Variants in NFATC1 observed in about 807,000 individuals in gnomAD.
NFATC1 encodes nuclear factor of activated T cells 1.
NFATC1 carries 22 observed loss-of-function variants against 76.0 expected under a neutral mutation model. The observed-to-expected ratio is 0.29, with a 90% CI of 0.21 to 0.41. The LOEUF is 0.41. Among genes scored for constraint, NFATC1 ranks in the 10% least tolerant of loss-of-function variants. The probability of loss-of-function intolerance (pLI) is 1.00; values close to 1 mark genes in which losing one functional copy is unlikely to be tolerated. For missense variants in NFATC1, 1,357 were observed against 1,337.7 expected, an observed-to-expected ratio of 1.01 and a Z score of -0.23; for synonymous variants, 704 against 613.1, an observed-to-expected ratio of 1.15 and a Z score of -2.19.
intron 9 of NFATC1, among the ~76,000 whole-genome samples, chr18:79,487,438 C>T (rs553074151): frequency 5.3e-4 from 81 of 152,332 alleles, no homozygotes; most frequent in African/African-American, 1.8e-3. Flanking sequence ...GGCGGCCTTG[C>T]CAGGAGCTCG....
chr18:79,443,857 G>A (rs952355826), intron 3 of NFATC1, among the ~76,000 whole-genome samples: 6 of 152,236 alleles, frequency 3.9e-5, no homozygotes, highest in African/African-American at 1.4e-4. Context: ...TCTGGGAAGG[G>A]CTGTGCCACA....
intron 9 of NFATC1, among the ~76,000 whole-genome samples, chr18:79,510,861 C>T (rs424037): frequency 3.1e-4 from 7 of 22,858 alleles, no homozygotes; most frequent in Admixed American, 8.9e-4. Flanking sequence ...CCGGGGCATC[C>T]TCTGCCGGGG....
rs541088550 is a variant in NFATC1 at position 79,524,931 on chromosome 18, G to A, written c.2783-2597G>A. ...TGCAGGCGGCCTGTCCCACGAACAC[G>A]ATGGAGACCTCAGACGCCGTCCCCA... On this transcript the variant is annotated intron_variant, in intron 9 of 9. Transcript: ENST00000427363. The surrounding 1 kb of genome is among the most constrained non-coding windows in gnomAD (Gnocchi z 7.2). 2.7e-3 allele frequency among the ~76,000 whole-genome samples: 416 copies of A among 152,042 alleles called. 1 individual carries two copies. Among genetic ancestry groups the A allele is most frequent in the African/African-American group, 9.4e-3 (388 of 41,442 alleles).
chr18:79,459,991 G>C (rs959737740), intron 6 of NFATC1, among the ~76,000 whole-genome samples: 1 of 152,234 alleles, frequency 6.6e-6, no homozygotes, highest in African/African-American at 2.4e-5. Flanking sequence ...ATGGCTTCAA[G>C]CGCAACTGAG....
rs188945483 is a variant in NFATC1, at chr18:79,480,660, G to C, written c.2093-5588G>C. On this transcript the variant is annotated intron_variant, in intron 8 of 9. Coordinates refer to ENST00000427363, the MANE Select transcript of NFATC1 (RefSeq NM_001278669.2). ...TGAGCCGTGTTCTTGACGTTCTCCA[G>C]CCAGCAGCAGCAGACGCCACCCGGT... Among the ~76,000 whole-genome samples, 41 of 152,298 alleles carry C rather than the reference G, an allele frequency of 2.7e-4. 1 individual carries two copies. In the Middle Eastern group the frequency reaches 0.01, roughly 38 times the overall value.
chr18:79,416,431 C>T (rs1460373919), intron 2 of NFATC1, among the ~76,000 whole-genome samples: 6 of 152,134 alleles, frequency 3.9e-5, no homozygotes, highest in Admixed American at 6.5e-5. Context: ...TTTGACAGCT[C>T]CCAGGTCCTG....
At chr18:79,440,131 G>A (rs1048074511) in intron 3 of NFATC1, among the ~76,000 whole-genome samples, 27 of 152,274 alleles carry the variant, frequency 1.8e-4, no homozygotes, top group Non-Finnish European at 3.2e-4. Context: ...CAGGAAATAC[G>A]AGGCGCATGA....
intron 9 of NFATC1, among the ~76,000 whole-genome samples, chr18:79,494,876 G>A (rs1362530273): frequency 7.2e-6 from 1 of 138,966 alleles, no homozygotes; most frequent in African/African-American, 2.7e-5. Context: ...GGCGAGAGCG[G>A]GCACACGCCC....
chr18:79,486,751 C>G lies in NFATC1; in HGVS notation c.2596C>G (p.Pro866Ala). 1.2e-6 allele frequency: 2 copies of G among 1,603,208 alleles called. No homozygotes were observed. The highest frequency in any genetic ancestry group is 1.7e-4 in the Middle Eastern group (1 of 6,036). ...QEPTCLQPCS[P>A]ACPPATGRPQ... is the part of the protein sequence containing the mutation. ...GCCGACCTGCCTGCAGCCCTGCAGC[C>G]CAGCGTGCCCGCCCGCCACGGGCCG... The change falls in exon 9 of 10, where the codon CCA (proline) becomes GCA (alanine). Residue 866 changes from proline (P) to alanine (A), a missense_variant. Physicochemically the swap from Pro to Ala is conservative, Grantham distance 27 (BLOSUM62 -1). Coordinates refer to ENST00000427363, the MANE Select transcript of NFATC1 (RefSeq NM_001278669.2).
intron 6 of NFATC1, 43 bp downstream of exon 6, chr18:79,451,859 G>C (rs373595199): frequency 6.4e-7 from 1 of 1,571,484 alleles, no homozygotes; most frequent in South Asian, 1.2e-5. Context: ...GGGCTTCGGC[G>C]CTGGTGGGAA....
intron 1 of NFATC1, among the ~76,000 whole-genome samples, chr18:79,401,547 G>A (rs922367047): frequency 6.6e-6 from 1 of 152,210 alleles, no homozygotes; most frequent in East Asian, 1.9e-4. Context: ...CTTCCCACCC[G>A]GGCTGCCTGT....
At chr18:79,406,274 A>C (rs2085434785) in intron 1 of NFATC1, among the ~76,000 whole-genome samples, 1 of 152,232 alleles carries the variant, frequency 6.6e-6, no homozygotes, top group South Asian at 2.1e-4. Flanking sequence ...GGGAAACAGG[A>C]AGTGTAGGAA....
chr18:79,517,220 C>G (rs2090405342), intron 9 of NFATC1, among the ~76,000 whole-genome samples: 2 of 152,226 alleles, frequency 1.3e-5, no homozygotes, highest in South Asian at 2.1e-4. Flanking sequence ...TTATTACCCT[C>G]TTAGGTTACA....
chr18:79,462,205 T>G (rs1013477225), intron 7 of NFATC1, among the ~76,000 whole-genome samples: 2 of 152,346 alleles, frequency 1.3e-5, no homozygotes, highest in East Asian at 3.9e-4. Context: ...ATCCCTGCGC[T>G]TCTGATCCAT....
rs1360188456 is a variant in NFATC1 at position 79,529,053 on chromosome 18, A to G, written c.*1476A>G. 6.6e-6 allele frequency: 1 copy of G among 152,400 alleles called. No individual in the cohort carries two copies. Among genetic ancestry groups the G allele is most frequent in the Non-Finnish European group, 1.5e-5 (1 of 68,038 alleles). The allele number at this position is 152,400 out of a possible 1,614,324, so 9.4% of individuals were successfully genotyped here. ...TGGAGAAAGGGCTCCCGCAGAAGGA[A>G]CGGCCTGTACCGTGCGCTCCGGCAC... is the stretch of plus-strand genomic sequence containing the variant. On this transcript the variant is annotated 3_prime_UTR_variant, in exon 10 of 10. Transcript: ENST00000427363.
intron 9 of NFATC1, among the ~76,000 whole-genome samples, chr18:79,506,829 G>T (rs2090130036): frequency 6.6e-6 from 1 of 152,192 alleles, no homozygotes; most frequent in South Asian, 2.1e-4. Flanking sequence ...GGAGGTCTGG[G>T]TGTGGAATTT....
In NFATC1 at chr18:79,461,831, C is replaced by T. The variant is rs117672436; in HGVS notation, c.1959+465C>T. On this transcript the variant is annotated intron_variant, in intron 7 of 9. Transcript: ENST00000427363. Reference sequence around the variant, plus strand: ...CAGCACCGAGGGCAGGGCTCTGCGGCATCCCCAGTGGGGACTCCTCACCCC... The same window carrying T: ...CAGCACCGAGGGCAGGGCTCTGCGGTATCCCCAGTGGGGACTCCTCACCCC... Among the ~76,000 whole-genome samples, 41 of 152,352 alleles carry T rather than the reference C, an allele frequency of 2.7e-4. No homozygotes were observed. In the East Asian group the frequency reaches 7.7e-3, roughly 29 times the overall value.
intron 8 of NFATC1, among the ~76,000 whole-genome samples, chr18:79,474,555 T>C (rs142079195): frequency 0.031 from 4,060 of 131,974 alleles, 1 homozygote; most frequent in African/African-American, 0.12. Flanking sequence ...GTGAGGGAAG[T>C]GTATTCTCAC....
At chr18:79,511,055 C>A (rs1218492578) in intron 9 of NFATC1, among the ~76,000 whole-genome samples, 1 of 152,230 alleles carries the variant, frequency 6.6e-6, no homozygotes, top group East Asian at 1.9e-4. Flanking sequence ...TCAGGGTGCC[C>A]TGGGCCAGCC....
Sources: gnomAD v4.1 joint callset for allele counts (sites outside exome capture counted in the v4.1 genomes callset) on GRCh38, gnomAD v4.1.1 for gene constraint, Gnocchi (gnomAD v3.1) non-coding constraint, MANE v1.5 for transcripts, NCBI Gene and HGNC (gene_info 2026-07-23, HGNC 2026-07-21) for gene names.